Variants in GRIA4 observed in about 807,000 individuals in gnomAD.
The protein encoded by GRIA4 is glutamate receptor 4.
Under a neutral mutation model 104.0 loss-of-function variants are expected in GRIA4, and 34 were observed. The ratio of observed to expected loss-of-function variants is 0.33; its 90% CI spans 0.25 to 0.44. The LOEUF is 0.44. Among genes scored for constraint, GRIA4 ranks in the 20% least tolerant of loss-of-function variants. The probability of loss-of-function intolerance (pLI) is 1.00; values close to 1 mark genes in which losing one functional copy is unlikely to be tolerated. For missense variants in GRIA4, 750 were observed against 1,096.5 expected (o/e 0.68, Z 4.46); for synonymous variants, 386 against 381.9 (o/e 1.01, Z -0.13).
intron 4 of GRIA4, among the ~76,000 whole-genome samples, chr11:105,861,591 T>C (rs1421142218): frequency 6.6e-6 from 1 of 152,122 alleles, no homozygotes; most frequent in Non-Finnish European, 1.5e-5. Context: ...TTCTCTTCCA[T>C]AGTTGAACCA....
chr11:105,755,827 G>T (rs184241528), intron 4 of GRIA4, among the ~76,000 whole-genome samples: 15 of 152,242 alleles, frequency 9.9e-5, no homozygotes, highest in African/African-American at 3.6e-4. Flanking sequence ...TCCATCTTCT[G>T]CCCTTGGACA....
At chr11:105,704,937 C>T (rs531762382) in intron 3 of GRIA4, among the ~76,000 whole-genome samples, 1 of 152,122 alleles carries the variant, frequency 6.6e-6, no homozygotes, top group South Asian at 2.1e-4. Flanking sequence ...GAAAAACAAA[C>T]ATGCAAGAAG....
chr11:105,826,847 C>T (rs926860164), intron 4 of GRIA4, among the ~76,000 whole-genome samples: 2 of 152,102 alleles, frequency 1.3e-5, no homozygotes, highest in East Asian at 3.9e-4. Context: ...ACAGCTAGGG[C>T]ACTATATCGG....
At chr11:105,901,463 C>G (rs1297857425) in intron 7 of GRIA4, among the ~76,000 whole-genome samples, 1 of 152,148 alleles carries the variant, frequency 6.6e-6, no homozygotes, top group African/African-American at 2.4e-5. Context: ...CTATAGGGCA[C>G]TATTTACCCT....
intron 3 of GRIA4, among the ~76,000 whole-genome samples, chr11:105,670,563 A>C (rs1465380857): frequency 1.3e-5 from 2 of 152,144 alleles, no homozygotes; most frequent in Non-Finnish European, 2.9e-5. Flanking sequence ...CAACAAACAT[A>C]ATTTTGGTGA....
At chr11:105,883,847 G>A (rs971522988) in intron 5 of GRIA4, among the ~76,000 whole-genome samples, 4 of 152,042 alleles carry the variant, frequency 2.6e-5, no homozygotes, top group Admixed American at 6.6e-5. Flanking sequence ...TTGAGGAATC[G>A]CCCCACTGTC....
At chr11:105,742,980 A>C (rs969307348) in intron 3 of GRIA4, among the ~76,000 whole-genome samples, 1 of 152,048 alleles carries the variant, frequency 6.6e-6, no homozygotes, top group Non-Finnish European at 1.5e-5. Context: ...CATGTGATCC[A>C]CCCATCTCAG....
chr11:105,854,499 T>C (rs1013344749), intron 4 of GRIA4, among the ~76,000 whole-genome samples: 3 of 152,090 alleles, frequency 2.0e-5, no homozygotes, highest in Admixed American at 6.6e-5. Flanking sequence ...CTGTAAGTGG[T>C]ATGATCTGGC....
intron 3 of GRIA4, among the ~76,000 whole-genome samples, chr11:105,721,198 CAAAA>C (rs1041449457): frequency 6.6e-6 from 1 of 152,050 alleles, no homozygotes; most frequent in African/African-American, 2.4e-5. Flanking sequence ...AGATTCATTG[CAAAA>C]ATAACTATTT....
chr11:105,818,894 T>A (rs1306398639), intron 4 of GRIA4, among the ~76,000 whole-genome samples: 1 of 152,186 alleles, frequency 6.6e-6, no homozygotes, highest in African/African-American at 2.4e-5. Flanking sequence ...ACTTAACTAA[T>A]CCCTTGTTTT....
intron 15 of GRIA4, among the ~76,000 whole-genome samples, chr11:105,974,108 G>C (rs370383074): frequency 1.3e-5 from 2 of 152,156 alleles, no homozygotes; most frequent in East Asian, 3.9e-4. Context: ...ACAATTTGTT[G>C]ATAACTATTA....
intron 3 of GRIA4, among the ~76,000 whole-genome samples, chr11:105,619,336 C>A (rs1950682266): frequency 6.6e-6 from 1 of 151,834 alleles, no homozygotes; most frequent in Non-Finnish European, 1.5e-5. Context: ...GGAAAATATT[C>A]CACATGTAGT....
chr11:105,749,936 C>T (rs1184072252), intron 3 of GRIA4, among the ~76,000 whole-genome samples: 10 of 152,008 alleles, frequency 6.6e-5, no homozygotes, highest in Admixed American at 1.3e-4. Context: ...CATTAATTCC[C>T]GTTTATTTTG....
intron 3 of GRIA4, among the ~76,000 whole-genome samples, chr11:105,690,936 A>G (rs562538773): frequency 6.6e-6 from 1 of 152,274 alleles, no homozygotes; most frequent in East Asian, 1.9e-4. Flanking sequence ...CTGAATGAAT[A>G]TGTGTCTTTT....
intron 4 of GRIA4, among the ~76,000 whole-genome samples, chr11:105,819,197 C>T (rs1943490735): frequency 6.6e-6 from 1 of 152,118 alleles, no homozygotes; most frequent in Non-Finnish European, 1.5e-5. Flanking sequence ...TATGTGCATG[C>T]TCTGATTGAA....
chr11:105,902,707 T>A (rs1241695155), intron 7 of GRIA4, among the ~76,000 whole-genome samples: 1 of 152,196 alleles, frequency 6.6e-6, no homozygotes, highest in African/African-American at 2.4e-5. Flanking sequence ...AAGGAGATCA[T>A]CCTCCACTTT....
At chr11:105,893,745 AAAT>A (rs1371332650) in intron 6 of GRIA4, among the ~76,000 whole-genome samples, 1 of 152,216 alleles carries the variant, frequency 6.6e-6, no homozygotes, top group African/African-American at 2.4e-5. Flanking sequence ...GTTTGAAAGA[AAAT>A]AATAATGTCA....
intron 14 of GRIA4, among the ~76,000 whole-genome samples, chr11:105,967,465 G>A (rs978901617): frequency 6.6e-5 from 10 of 152,046 alleles, no homozygotes; most frequent in African/African-American, 2.2e-4. Flanking sequence ...AATATTTGTT[G>A]TCCAAAAGAA....
At chr11:105,832,672 C>A (rs1944019843) in intron 4 of GRIA4, among the ~76,000 whole-genome samples, 1 of 151,916 alleles carries the variant, frequency 6.6e-6, no homozygotes, top group Admixed American at 6.6e-5. Context: ...CCTTGCTTTT[C>A]ATTTGTCCAT....
Sources: gnomAD v4.1 joint callset for allele counts (sites outside exome capture counted in the v4.1 genomes callset) on GRCh38, gnomAD v4.1.1 for gene constraint, MANE v1.5 for transcripts, NCBI Gene and HGNC (gene_info 2026-07-23, HGNC 2026-07-21) for gene names.